The following WDFY4 variants were observed in gnomAD, a reference collection of about 807,000 sequenced individuals.
WDFY4 encodes WDFY family member 4, also known as WD repeat- and FYVE domain-containing protein 4.
In WDFY4, 169 loss-of-function variants were observed where a neutral mutation model predicts 351.9. The ratio of observed to expected loss-of-function variants is 0.48; its 90% CI spans 0.42 to 0.55. The LOEUF (loss-of-function observed/expected upper bound fraction) is 0.55, where lower values mean the gene tolerates loss of function less well. WDFY4 is among the 20% of genes least tolerant of loss of function. WDFY4 has a pLI of 0.00. For synonymous variants in WDFY4, 1,622 were observed against 1,574.6 expected (o/e 1.03, Z -0.71); for missense variants, 3,803 against 3,935.6 (o/e 0.97, Z 0.90).
intron 54 of WDFY4, among the ~76,000 whole-genome samples, chr10:48,964,476 G>C (rs983656902): frequency 5.3e-5 from 8 of 152,236 alleles, no homozygotes; most frequent in Non-Finnish European, 1.0e-4. Context: ...TGGATATAGA[G>C]AGTATTCTTT....
In WDFY4 at chr10:48,913,582, T is replaced by C. The variant is rs148800062; in HGVS notation, c.7586+11719T>C. On this transcript the variant is annotated intron_variant, in intron 47 of 61. Coordinates refer to ENST00000325239, the MANE Select transcript of WDFY4 (RefSeq NM_001394531.1). The stretch of plus-strand genomic sequence containing the variant: ...ACATACAAGTTCTCCAGCCTCCTGA[T>C]GGAGTCTATGAATATTTCCGACTCA... 6.2e-7 allele frequency: 1 copy of C among 1,614,184 alleles called. No homozygotes were observed. Among genetic ancestry groups the C allele is most frequent in the Non-Finnish European group, 8.5e-7 (1 of 1,180,026 alleles).
chr10:48,735,865 C>T lies in WDFY4; in HGVS notation c.1688-15C>T, dbSNP rs1334587081. ...CCCCCTTGCCCTAGCCCCATTCTGTCTGTCTGATCCTTAGTTGTCCTGAAG... is the reference window on the plus strand; with the variant it reads ...CCCCCTTGCCCTAGCCCCATTCTGTTTGTCTGATCCTTAGTTGTCCTGAAG... On this transcript the variant is annotated splice_polypyrimidine_tract_variant and intron_variant, in intron 10 of 61. Transcript: ENST00000325239. The T allele has an allele frequency of 1.3e-6, 2 of 1,548,132 alleles. No individual in the cohort carries two copies. Among genetic ancestry groups the T allele is most frequent in the Non-Finnish European group, 1.7e-6 (2 of 1,144,216 alleles).
Position 48,877,118 on chromosome 10 carries a change from C to T in WDFY4, c.7086C>T (p.His2362=), listed in dbSNP as rs924322899. Residue 2362 remains histidine, a synonymous_variant, in exon 43 of 62, where the codon CAC becomes CAT. Transcript: ENST00000325239. Reference sequence around the variant, plus strand: ...AGCTGACCTTCTTCCCAGCCTTACACGAAAGTCTGCACTCAGAAGACTTCT... The same window carrying T: ...AGCTGACCTTCTTCCCAGCCTTACATGAAAGTCTGCACTCAGAAGACTTCT... ...CTQLTFFPAL[H]ESLHSEDFLE... 3.0e-5 allele frequency: 46 copies of T among 1,549,770 alleles called. No individual in the cohort carries two copies. Among genetic ancestry groups the T allele is most frequent in the Middle Eastern group, 1.7e-4 (1 of 5,990 alleles).
At chr10:48,916,820 A>G (rs1324701492) in intron 47 of WDFY4, among the ~76,000 whole-genome samples, 2 of 63,490 alleles carry the variant, frequency 3.2e-5, no homozygotes, top group African/African-American at 9.6e-5. Context: ...GGAATAACCT[A>G]CTACAGACCC....
At chr10:48,781,294 A>G (rs538805417) in intron 19 of WDFY4, among the ~76,000 whole-genome samples, 16 of 145,400 alleles carry the variant, frequency 1.1e-4, no homozygotes, top group South Asian at 4.3e-4. Flanking sequence ...GTGTGTGTGT[A>G]TATATATATA....
At chr10:48,943,070 T>C (rs1840861600) in intron 48 of WDFY4, among the ~76,000 whole-genome samples, 1 of 152,238 alleles carries the variant, frequency 6.6e-6, no homozygotes, top group Non-Finnish European at 1.5e-5. Context: ...AAGCATGTTT[T>C]ATCCTTGGTG....
At chr10:48,934,525 G>A (rs145386233) in intron 47 of WDFY4, among the ~76,000 whole-genome samples, 31 of 152,322 alleles carry the variant, frequency 2.0e-4, no homozygotes, top group African/African-American at 7.0e-4. Context: ...CTTGAGGAGT[G>A]TGTTCCTGTG....
chr10:48,727,626 A>T lies in WDFY4; in HGVS notation c.938A>T (p.Glu313Val). Residue 313 changes from glutamate to valine, a missense_variant, in exon 7 of 62, where the codon GAG becomes GTG. Around this residue, in one of 3 missense-constraint regions of WDFY4, gnomAD observed 488 missense variants for 456.8 expected, o/e 1.07. Transcript: ENST00000325239. ...CTGTTCCTGGAGTTTGAGAATTCAG[A>T]GGGCTATCCTCTGCTGCTCAAAGTG... ...SALFLEFENS[E>V]GYPLLLKVLL... 6.4e-7 allele frequency: 1 copy of T among 1,552,038 alleles called. No homozygotes were observed. The highest frequency in any genetic ancestry group is 2.0e-5 in the Admixed American group (1 of 51,004).
chr10:48,803,066 T>C (rs2067138091), intron 24 of WDFY4, among the ~76,000 whole-genome samples: 1 of 152,024 alleles, frequency 6.6e-6, no homozygotes, highest in Admixed American at 6.5e-5. Context: ...CACAATGAAG[T>C]GCCAAGTAGC....
chr10:48,912,047 A>G (rs1838051707), intron 47 of WDFY4, among the ~76,000 whole-genome samples: 1 of 152,196 alleles, frequency 6.6e-6, no homozygotes, highest in African/African-American at 2.4e-5. Context: ...AACATAGGAA[A>G]GTCCTGGGGG....
At chr10:48,756,461 A>C (rs1413560437) in intron 12 of WDFY4, among the ~76,000 whole-genome samples, 1 of 151,904 alleles carries the variant, frequency 6.6e-6, no homozygotes, top group Admixed American at 6.6e-5. Context: ...GTCTGTGACT[A>C]GTGCCAGTTT....
intron 37 of WDFY4, 131 bp from the exon 38 acceptor site, chr10:48,830,569 A>G (rs2068155591): frequency 3.9e-6 from 4 of 1,025,448 alleles, no homozygotes; most frequent in Non-Finnish European, 4.2e-6. Flanking sequence ...GAAGCTTGCA[A>G]AGCTGGGGTG....
At chr10:48,687,977 T>A (rs113166741) in intron 1 of WDFY4, among the ~76,000 whole-genome samples, 18,506 of 151,994 alleles carry the variant, frequency 0.12, 1,210 homozygotes, top group South Asian at 0.16. Flanking sequence ...GGGATGGGGT[T>A]TCACTGTGTT....
intron 40 of WDFY4, among the ~76,000 whole-genome samples, chr10:48,869,245 G>A (rs1399172989): frequency 6.6e-6 from 1 of 152,206 alleles, no homozygotes; most frequent in Non-Finnish European, 1.5e-5. Context: ...TCTGGACAGA[G>A]ATTAGGCTTA....
At chr10:48,864,627 A>C (rs756558683) in intron 39 of WDFY4, among the ~76,000 whole-genome samples, 9 of 152,206 alleles carry the variant, frequency 5.9e-5, no homozygotes, top group Non-Finnish European at 1.2e-4. Context: ...AAGAGTGATC[A>C]TTGGAATTTG....
At position 48,776,762 on chromosome 10, in the gene WDFY4, C is replaced by T. The variant is rs1257044466; in HGVS notation, c.2876C>T (p.Ala959Val). The change falls in exon 16 of 62, where the codon GCA becomes GTA. Residue 959 changes from alanine to valine, a missense_variant. Transcript: ENST00000325239. ...GNPGCSGSQTAQGLAEGPWPA... is the reference protein window; with the variant it reads ...GNPGCSGSQTVQGLAEGPWPA... ...CTTGCTGCCCTAGGGTCACAGACTG[C>T]ACAGGGCTTGGCTGAGGGGCCCTGG... The T allele has an allele frequency of 2.6e-6, 4 of 1,547,644 alleles. No individual in the cohort carries two copies. Among genetic ancestry groups the T allele is most frequent in the Admixed American group, 2.0e-5 (1 of 50,778 alleles).
intron 47 of WDFY4, chr10:48,910,117 C>A: frequency 2.1e-6 from 2 of 951,744 alleles, no homozygotes; most frequent in Non-Finnish European, 3.4e-6. Context: ...CCAGCTCCGG[C>A]GAGCCTGGTT....
At chr10:48,966,902 TTC>T in intron 55 of WDFY4, 1 of 566,084 alleles carries the variant, frequency 1.8e-6, no homozygotes, top group Non-Finnish European at 3.1e-6. Flanking sequence ...CTCTCTGTCT[TTC>T]TGTCTGTCTC....
chr10:48,893,919 C>T (rs1354438200), intron 44 of WDFY4, among the ~76,000 whole-genome samples: 1 of 152,198 alleles, frequency 6.6e-6, no homozygotes, highest in Non-Finnish European at 1.5e-5. Flanking sequence ...ATGGCAGCCT[C>T]TGAACTATGG....
Sources: gnomAD v4.1 joint callset for allele counts (sites outside exome capture counted in the v4.1 genomes callset) on GRCh38, gnomAD v4.1.1 for gene constraint, gnomAD v4.1.1 regional missense constraint, MANE v1.5 for transcripts, NCBI Gene and HGNC (gene_info 2026-07-23, HGNC 2026-07-21) for gene names.